MEPE: variants seen among roughly 807,000 people sequenced by gnomAD.
MEPE encodes matrix, extracellular phosphoglycoprotein with ASARM motif (bone).
A neutral mutation model predicts 7.3 loss-of-function variants in MEPE; 7 were observed. The observed-to-expected ratio is 0.95, with a 90% CI of 0.54 to 1.79. The LOEUF (loss-of-function observed/expected upper bound fraction) is 1.79, where lower values mean the gene tolerates loss of function less well. Among genes scored for constraint, MEPE ranks in the 40% most tolerant of loss-of-function variants. The pLI, the probability that MEPE is intolerant of heterozygous loss-of-function variation, is 0.00. For synonymous variants in MEPE, 214 were observed against 213.1 expected (o/e 1.00, Z -0.04); for missense variants, 623 against 628.2 (o/e 0.99, Z 0.09).
At chr4:87,837,076 A>C (rs1440201524) in intron 2 of MEPE, among the ~76,000 whole-genome samples, 3 of 152,224 alleles carry the variant, frequency 2.0e-5, no homozygotes, top group Non-Finnish European at 2.9e-5. Context: ...TCCAGTCCAG[A>C]AAACAAAATC....
chr4:87,841,175 A>C (rs1353818209), intron 3 of MEPE, among the ~76,000 whole-genome samples: 1 of 152,170 alleles, frequency 6.6e-6, no homozygotes, highest in Non-Finnish European at 1.5e-5. Flanking sequence ...ACTTCAGACA[A>C]GGGAGAGAAA....
chr4:87,822,869 G>A (rs996523595), intron 1 of MEPE, among the ~76,000 whole-genome samples: 21 of 152,300 alleles, frequency 1.4e-4, no homozygotes, highest in Admixed American at 1.0e-3. Context: ...ATCCTTTCCT[G>A]CTGCAGGAGG....
chr4:87,821,410 A>T (rs7657524), exon 1 of MEPE: 151,362 of 152,290 alleles, frequency 0.99, 75,219 homozygotes, highest in East Asian at 1. Context: ...TACATAAACA[A>T]ATGCAGTGCT....
At position 87,845,105 on chromosome 4, in the gene MEPE, G is replaced by A; in HGVS notation, c.237G>A (p.Glu79=). The change falls in exon 4 of 4, where the codon GAG becomes GAA. Residue 79 remains glutamate, a synonymous_variant. Transcript: ENST00000361056. ...KKDLSLSEAS[E]NKGSSKSQNY... ...ATTTGTCCCTTTCTGAAGCCAGTGA[G>A]AATAAGGGAAGTAGTAAATCTCAAA... 6.2e-7 allele frequency: 1 copy of A among 1,613,740 alleles called. No individual in the cohort carries two copies.
At chr4:87,839,894 GCTGGCA>G (rs1722948097) in intron 3 of MEPE, 2 of 1,540,410 alleles carry the variant, frequency 1.3e-6, no homozygotes, top group Non-Finnish European at 1.7e-6. Flanking sequence ...CTGTCTTATG[GCTGGCA>G]CTTTTGTCCC....
chr4:87,844,115 C>G (rs1436554142), intron 3 of MEPE, among the ~76,000 whole-genome samples: 1 of 152,164 alleles, frequency 6.6e-6, no homozygotes, highest in Non-Finnish European at 1.5e-5. Context: ...CTACACTGCT[C>G]CTTTTAGAGC....
chr4:87,840,062 T>G (rs184435358), intron 3 of MEPE: 1 of 1,533,574 alleles, frequency 6.5e-7, no homozygotes, highest in Admixed American at 2.0e-5. Flanking sequence ...CAGGTGCCCA[T>G]GGACTGCTGT....
chr4:87,828,804 C>A (rs1268749587), upstream of MEPE, among the ~76,000 whole-genome samples: 2 of 152,154 alleles, frequency 1.3e-5, no homozygotes, highest in East Asian at 1.9e-4. Context: ...CAAAGTCAGG[C>A]TAGGTGCATC....
chr4:87,827,631 C>T (rs1476403890), intron 1 of MEPE, among the ~76,000 whole-genome samples: 1 of 152,192 alleles, frequency 6.6e-6, no homozygotes, highest in Non-Finnish European at 1.5e-5. Flanking sequence ...CCACTTCCAG[C>T]AATGTCACCA....
At position 87,845,667 on chromosome 4, in the gene MEPE, G is replaced by C. The variant is rs1293012292; in HGVS notation, c.799G>C (p.Gly267Arg). Residue 267 changes from glycine (G) to arginine (R), a missense_variant, in exon 4 of 4, where the codon GGT becomes CGT. Physicochemically the swap from Gly to Arg is moderately radical, Grantham distance 125. Transcript: ENST00000361056. ...GDGQPFKDIP[G>R]KGEATGPDLE... ...CGGCCAACCTTTTAAGGACATTCCT[G>C]GTAAAGGAGAAGCTACTGGTCCTGA... is the stretch of plus-strand genomic sequence containing the variant. 3.0e-5 allele frequency: 48 copies of C among 1,613,646 alleles called. No individual in the cohort carries two copies. Among genetic ancestry groups the C allele is most frequent in the Non-Finnish European group, 3.9e-5 (46 of 1,179,906 alleles).
At chr4:87,831,177 G>A (rs1007380862), upstream of MEPE, among the ~76,000 whole-genome samples, 2 of 151,828 alleles carry the variant, frequency 1.3e-5, no homozygotes, top group African/African-American at 4.8e-5. Context: ...CAATTATTTT[G>A]GTAGCCAGTT....
At chr4:87,824,914 C>T (rs2109987676) in intron 1 of MEPE, among the ~76,000 whole-genome samples, 1 of 152,298 alleles carries the variant, frequency 6.6e-6, no homozygotes, top group Middle Eastern at 3.4e-3. Flanking sequence ...GTGGTGCAAT[C>T]ACAGCTCACT....
chr4:87,834,995 C>A (rs570062673), intron 2 of MEPE, among the ~76,000 whole-genome samples: 1 of 152,120 alleles, frequency 6.6e-6, no homozygotes, highest in Non-Finnish European at 1.5e-5. Flanking sequence ...TTAAGGAACA[C>A]CAAAAACAGA....
In MEPE at chr4:87,845,939, A is replaced by G. The variant is rs931227966; in HGVS notation, c.1071A>G (p.Arg357=). The G allele has an allele frequency of 6.2e-7, 1 of 1,613,894 alleles. No homozygotes were observed. The highest frequency in any genetic ancestry group is 8.5e-7 in the Non-Finnish European group (1 of 1,179,958). Residue 357 remains arginine (R), a synonymous_variant, in exon 4 of 4, where the codon AGA becomes AGG. Coordinates refer to ENST00000361056, the MANE Select transcript of MEPE (RefSeq NM_020203.6). ...FKELPGREGN[R]VDAGSQNAHQ... is the part of the protein sequence containing the mutation. ...AGCTCCCTGGAAGAGAAGGAAACAGAGTGGATGCTGGCAGCCAAAATGCTC... is the reference window on the plus strand; with the variant it reads ...AGCTCCCTGGAAGAGAAGGAAACAGGGTGGATGCTGGCAGCCAAAATGCTC...
At chr4:87,829,127 G>T (rs140876699), upstream of MEPE, among the ~76,000 whole-genome samples, 2 of 152,168 alleles carry the variant, frequency 1.3e-5, no homozygotes, top group East Asian at 3.9e-4. Flanking sequence ...AATCTCTACT[G>T]CATGGAACTT....
rs1031914185 is a variant in MEPE at position 87,845,497 on chromosome 4, G to A, written c.629G>A (p.Ser210Asn). 2.5e-6 allele frequency: 4 copies of A among 1,613,386 alleles called. No individual in the cohort carries two copies. The highest frequency in any genetic ancestry group is 2.5e-6 in the Non-Finnish European group (3 of 1,179,892). The change falls in exon 4 of 4, where the codon AGC becomes AAC. Residue 210 changes from serine to asparagine, a missense_variant. Ser to Asn is a conservative substitution (Grantham distance 46, BLOSUM62 1). Coordinates refer to ENST00000361056, the MANE Select transcript of MEPE (RefSeq NM_020203.6). Reference protein sequence around the residue: ...DSQAQKSPVKSKSTHRIQHNI... With the variant: ...DSQAQKSPVKNKSTHRIQHNI... ...CAAGCCCAGAAAAGTCCAGTAAAAA[G>A]CAAAAGCACCCATCGTATTCAACAC...
chr4:87,831,808 C>T (rs1722606904), upstream of MEPE, among the ~76,000 whole-genome samples: 2 of 152,122 alleles, frequency 1.3e-5, no homozygotes, highest in African/African-American at 4.8e-5. Context: ...TGGAACAAGT[C>T]ACAAGGCTTT....
intron 1 of MEPE, 136 bp downstream of exon 1, chr4:87,833,150 G>A (rs1038072054): frequency 6.6e-6 from 1 of 152,054 alleles, no homozygotes; most frequent in Non-Finnish European, 1.5e-5. Context: ...TGTAATATTT[G>A]GTGCTTTGTT....
At position 87,822,876 on chromosome 4, in the gene MEPE, G is replaced by A. The variant is rs556973041; in HGVS notation, c.-13+1405G>A. ...GCTTGCTTATCCTTTCCTGCTGCAG[G>A]AGGAATTGCAGGGTACTTTGCCAAG... is the stretch of plus-strand genomic sequence containing the variant. On this transcript the variant is annotated intron_variant, in intron 1 of 3. Coordinates refer to the MEPE transcript ENST00000424957. 4.9e-4 allele frequency among the ~76,000 whole-genome samples: 74 copies of A among 152,242 alleles called. No homozygotes were observed. The South Asian group carries it at 0.015, about 31-fold the overall frequency.
Sources: allele counts gnomAD v4.1 joint callset (sites outside exome capture counted in the v4.1 genomes callset), GRCh38; gene constraint gnomAD v4.1.1; transcripts MANE v1.5; gene names NCBI Gene and HGNC (gene_info 2026-07-23, HGNC 2026-07-21).